The following CNTNAP2 variants were observed in gnomAD, a reference collection of about 807,000 sequenced individuals.
The protein encoded by CNTNAP2 is contactin-associated protein-like 2.
In CNTNAP2, 98 loss-of-function variants were observed where a neutral mutation model predicts 155.2. The observed-to-expected ratio is 0.63, with a 90% CI of 0.54 to 0.75. The LOEUF (loss-of-function observed/expected upper bound fraction) is 0.75, where lower values mean the gene tolerates loss of function less well. CNTNAP2 is among the 30% of genes least tolerant of loss of function. CNTNAP2 has a pLI of 0.00. For missense variants in CNTNAP2, 1,727 were observed against 1,688.1 expected, an observed-to-expected ratio of 1.02 and a Z score of -0.40; for synonymous variants, 651 against 631.2, an observed-to-expected ratio of 1.03 and a Z score of -0.47.
intron 11 of CNTNAP2, among the ~76,000 whole-genome samples, chr7:147,548,459 T>C (rs1434413983): frequency 7.0e-6 from 1 of 142,076 alleles, no homozygotes; most frequent in Non-Finnish European, 1.6e-5. Flanking sequence ...GGTTGTTTGA[T>C]TTTTTCTTAT....
chr7:147,301,817 T>G (rs1405721428), intron 9 of CNTNAP2, among the ~76,000 whole-genome samples: 1 of 152,144 alleles, frequency 6.6e-6, no homozygotes, highest in Non-Finnish European at 1.5e-5. Flanking sequence ...TATTATGAAT[T>G]GTCTAGAGAG....
intron 21 of CNTNAP2, among the ~76,000 whole-genome samples, chr7:148,335,477 G>A (rs879661115): frequency 4.6e-5 from 7 of 152,114 alleles, no homozygotes; most frequent in African/African-American, 9.7e-5. Flanking sequence ...ACTGATTAAC[G>A]CAGCTGTGAT....
At chr7:148,095,985 A>G (rs549423551) in intron 15 of CNTNAP2, among the ~76,000 whole-genome samples, 1 of 152,372 alleles carries the variant, frequency 6.6e-6, no homozygotes, top group South Asian at 2.1e-4. Flanking sequence ...TAAAAGAAAG[A>G]GTCATGAAGT....
intron 21 of CNTNAP2, among the ~76,000 whole-genome samples, chr7:148,361,648 C>T (rs974764180): frequency 6.6e-6 from 1 of 152,188 alleles, no homozygotes; most frequent in African/African-American, 2.4e-5. Context: ...ACAACAGTCA[C>T]TGGGTTAGGG....
chr7:147,036,123 T>G (rs568954241), intron 3 of CNTNAP2, among the ~76,000 whole-genome samples: 65 of 152,310 alleles, frequency 4.3e-4, no homozygotes, highest in African/African-American at 1.5e-3. Context: ...TGTCCACGCC[T>G]GTTCTTTTAA....
At chr7:146,153,767 T>C (rs1014429285) in intron 1 of CNTNAP2, among the ~76,000 whole-genome samples, 1 of 152,198 alleles carries the variant, frequency 6.6e-6, no homozygotes, top group African/African-American at 2.4e-5. Flanking sequence ...TCTCTTTTAC[T>C]TGATGTAGAC....
chr7:146,532,717 G>C (rs1035726829), intron 1 of CNTNAP2, among the ~76,000 whole-genome samples: 3 of 151,954 alleles, frequency 2.0e-5, no homozygotes, highest in African/African-American at 7.3e-5. Flanking sequence ...TTAACATTTT[G>C]TTACTCAGAC....
intron 3 of CNTNAP2, among the ~76,000 whole-genome samples, chr7:146,877,837 C>T (rs555227849): frequency 2.0e-5 from 3 of 152,046 alleles, no homozygotes; most frequent in South Asian, 4.1e-4. Flanking sequence ...GTTCATTACC[C>T]GACCATGATG....
At chr7:147,291,787 C>T (rs901136453) in intron 8 of CNTNAP2, among the ~76,000 whole-genome samples, 17 of 152,008 alleles carry the variant, frequency 1.1e-4, no homozygotes, top group Non-Finnish European at 2.2e-4. Flanking sequence ...GCTCTAGATG[C>T]TAGTTAGCCC....
intron 17 of CNTNAP2, among the ~76,000 whole-genome samples, chr7:148,164,238 C>T (rs1805606232): frequency 6.6e-6 from 1 of 152,108 alleles, no homozygotes; most frequent in Non-Finnish European, 1.5e-5. Flanking sequence ...ACACCCAGCC[C>T]ACCACAGGTT....
In CNTNAP2 at chr7:147,248,959, TCCAC is replaced by T. The variant is rs780883469; in HGVS notation, c.1349-51181_1349-51178del. On this transcript the variant is annotated intron_variant, in intron 8 of 23. Coordinates refer to ENST00000361727, the MANE Select transcript of CNTNAP2 (RefSeq NM_014141.6). ...TTTGAATCAATGCTGGCCTTAATGGTCCACTGATCTATGGGAGAAGAAAAAAAAC... is the reference window on the plus strand; with the variant it reads ...TTTGAATCAATGCTGGCCTTAATGGTTGATCTATGGGAGAAGAAAAAAAAC... Among the ~76,000 whole-genome samples, 17 of 152,182 alleles carry T rather than the reference TCCAC, an allele frequency of 1.1e-4. No homozygotes were observed. In the East Asian group the frequency reaches 1.5e-3, roughly 14 times the overall value.
chr7:148,016,975 G>A (rs1051255302), intron 15 of CNTNAP2, among the ~76,000 whole-genome samples: 1 of 152,136 alleles, frequency 6.6e-6, no homozygotes, highest in Admixed American at 6.5e-5. Flanking sequence ...ATTTATTCAG[G>A]ATTTGAAGAG....
intron 1 of CNTNAP2, among the ~76,000 whole-genome samples, chr7:146,602,589 C>G (rs149320499): frequency 6.6e-6 from 1 of 152,122 alleles, no homozygotes. Context: ...CATTTCAAAA[C>G]TTTTGTCACA....
intron 20 of CNTNAP2, among the ~76,000 whole-genome samples, chr7:148,264,059 A>G (rs899949286): frequency 6.7e-6 from 1 of 148,532 alleles, no homozygotes; most frequent in Non-Finnish European, 1.5e-5. Flanking sequence ...TCAATTATCA[A>G]GATCCCACCA....
At chr7:148,119,367 C>CAAAAAA (rs10670510) in intron 16 of CNTNAP2, among the ~76,000 whole-genome samples, 4 of 146,180 alleles carry the variant, frequency 2.7e-5, no homozygotes, top group African/African-American at 1.0e-4. Context: ...ACTAAAAATA[C>CAAAAAA]AAAAAAAAAA....
intron 13 of CNTNAP2, among the ~76,000 whole-genome samples, chr7:147,795,784 T>C (rs1390772178): frequency 6.6e-6 from 1 of 152,166 alleles, no homozygotes; most frequent in East Asian, 1.9e-4. Flanking sequence ...ATATAACCTC[T>C]CTTGGACTTA....
intron 1 of CNTNAP2, among the ~76,000 whole-genome samples, chr7:146,140,624 G>A (rs866957388): frequency 6.6e-6 from 1 of 151,870 alleles, no homozygotes; most frequent in South Asian, 2.1e-4. Flanking sequence ...ATTTCTTTTG[G>A]GTAGTTAATA....
chr7:146,235,663 C>G (rs749858303), intron 1 of CNTNAP2, among the ~76,000 whole-genome samples: 1 of 152,026 alleles, frequency 6.6e-6, no homozygotes, highest in Non-Finnish European at 1.5e-5. Flanking sequence ...GTACTTCCAG[C>G]CTGTGGTGTT....
chr7:147,202,694 A>C (rs891072279), intron 8 of CNTNAP2, among the ~76,000 whole-genome samples: 1 of 152,124 alleles, frequency 6.6e-6, no homozygotes, highest in African/African-American at 2.4e-5. Flanking sequence ...AACTGTCCCA[A>C]GGACAGAAAA....
Sources: allele counts gnomAD v4.1 joint callset (sites outside exome capture counted in the v4.1 genomes callset), GRCh38; gene constraint gnomAD v4.1.1; transcripts MANE v1.5; gene names NCBI Gene and HGNC (gene_info 2026-07-23, HGNC 2026-07-21).